SCN10A: variants seen among roughly 807,000 people sequenced by gnomAD.
The protein encoded by SCN10A is sodium channel protein type 10 subunit alpha.
SCN10A carries 162 observed loss-of-function variants against 170.7 expected under a neutral mutation model. The observed-to-expected ratio is 0.95, with a 90% CI of 0.84 to 1.08. SCN10A has a LOEUF of 1.08. SCN10A is among the 50% of genes least tolerant of loss of function. The pLI, the probability that SCN10A is intolerant of heterozygous loss-of-function variation, is 0.00. For synonymous variants in SCN10A, 985 were observed against 904.6 expected (o/e 1.09, Z -1.59); for missense variants, 2,527 against 2,436.9 (o/e 1.04, Z -0.78).
rs142537392 is a variant in SCN10A at position 38,698,458 on chromosome 3, G to C, written c.4762C>G (p.Arg1588Gly). Residue 1588 changes from arginine (R) to glycine (G), a missense_variant, in exon 28 of 28, where the codon CGA becomes GGA. Physicochemically the swap from Arg to Gly is moderately radical, Grantham distance 125. Transcript: ENST00000449082. ...ARIGRILRLI[R>G]AAKGIRTLLF... ...AGTGTGCGGATCCCCTTGGCCGCTCGGATCAGTCTGAGGATGCGGCCAATT... is the reference window on the plus strand; with the variant it reads ...AGTGTGCGGATCCCCTTGGCCGCTCCGATCAGTCTGAGGATGCGGCCAATT... The C allele has an allele frequency of 2.5e-6, 4 of 1,614,180 alleles. 1 individual carries two copies. In the South Asian group the frequency reaches 4.4e-5, roughly 18 times the overall value.
At chr3:38,797,481 C>G (rs140050575) in intron 1 of SCN10A, among the ~76,000 whole-genome samples, 1 of 152,142 alleles carries the variant, frequency 6.6e-6, no homozygotes, top group Non-Finnish European at 1.5e-5. Flanking sequence ...CAAAGTCAAC[C>G]TACATTACAT....
chr3:38,749,929 G>A, intron 13 of SCN10A, 144 bp downstream of exon 13: 1 of 491,286 alleles, frequency 2.0e-6, no homozygotes, highest in Non-Finnish European at 3.6e-6. Flanking sequence ...AGATGGTGGG[G>A]CCTAAGACAT....
In SCN10A at chr3:38,698,433, A is replaced by G. The variant is rs1303012255; in HGVS notation, c.4787T>C (p.Leu1596Pro). ...LIRAAKGIRT[L>P]LFALMMSLPA... ...CAGGGACATCATGAGGGCAAAGAGC[A>G]GTGTGCGGATCCCCTTGGCCGCTCG... Residue 1596 changes from leucine to proline, a missense_variant, in exon 28 of 28, where the codon CTG becomes CCG. Leu to Pro is a moderately conservative substitution (Grantham distance 98, BLOSUM62 -3). Transcript: ENST00000449082. The G allele has an allele frequency of 6.2e-7, 1 of 1,614,214 alleles. No homozygotes were observed.
At chr3:38,782,202 G>A (rs1334736428) in intron 4 of SCN10A, among the ~76,000 whole-genome samples, 1 of 152,064 alleles carries the variant, frequency 6.6e-6, no homozygotes, top group Non-Finnish European at 1.5e-5. Flanking sequence ...TATAGAAGCA[G>A]CAGTAAGTGA....
At chr3:38,737,499 T>G (rs2063577783) in intron 15 of SCN10A, among the ~76,000 whole-genome samples, 2 of 152,200 alleles carry the variant, frequency 1.3e-5, no homozygotes, top group African/African-American at 4.8e-5. Flanking sequence ...CCAGGCCTAC[T>G]CTACCCTTCT....
intron 15 of SCN10A, among the ~76,000 whole-genome samples, chr3:38,737,976 G>C (rs147477938): frequency 7.8e-4 from 117 of 149,262 alleles, no homozygotes; most frequent in African/African-American, 2.8e-3. Flanking sequence ...TTCTTACTCT[G>C]TCTCCCAGGC....
intron 4 of SCN10A, among the ~76,000 whole-genome samples, chr3:38,772,691 A>AAAC (rs527981727): frequency 6.8e-6 from 1 of 147,360 alleles, no homozygotes; most frequent in Non-Finnish European, 1.5e-5. Flanking sequence ...TTCGTCTCCA[A>AAAC]AACAACAACA....
Position 38,755,878 on chromosome 3 carries a change from C to T in SCN10A, c.1371G>A (p.Glu457=), listed in dbSNP as rs1276989301. The T allele has an allele frequency of 1.2e-6, 2 of 1,614,200 alleles. No individual in the cohort carries two copies. The highest frequency in any genetic ancestry group is 2.2e-5 in the South Asian group (2 of 91,084). The change falls in exon 11 of 28, where the codon GAG becomes GAA. Residue 457 remains glutamate, a synonymous_variant. Transcript: ENST00000449082. ...GSPLTSKNAS[E]RRHRIKPRVS... is the part of the protein sequence containing the mutation. ...CTCTTGGCTTTATTCTATGCCTTCT[C>T]TCACTGGCATTTTTGGAGGTTAAAG...
At chr3:38,772,392 G>C (rs565766555) in intron 4 of SCN10A, among the ~76,000 whole-genome samples, 1 of 151,858 alleles carries the variant, frequency 6.6e-6, no homozygotes, top group Non-Finnish European at 1.5e-5. Context: ...AAGAGTTAGA[G>C]AAATAAAACT....
chr3:38,718,791 C>A lies in SCN10A; in HGVS notation c.3543G>T (p.Thr1181=). 1.9e-6 allele frequency: 3 copies of A among 1,614,184 alleles called. No individual in the cohort carries two copies. The highest frequency in any genetic ancestry group is 2.5e-6 in the Non-Finnish European group (3 of 1,180,022). ...CAGTGTACTCCAGCAAAGCTTTCACCGTGGGCTTCTGGTCCAGGTAATAGT... is the reference window on the plus strand; with the variant it reads ...CAGTGTACTCCAGCAAAGCTTTCACAGTGGGCTTCTGGTCCAGGTAATAGT... ...FEDYYLDQKP[T]VKALLEYTDR... is the part of the protein sequence containing the mutation. The change falls in exon 21 of 28, where the codon ACG becomes ACT. Residue 1181 remains threonine, a synonymous_variant. Transcript: ENST00000449082.
chr3:38,698,687 C>A, intron 27 of SCN10A, 125 bp from the exon 28 acceptor site: 1 of 864,930 alleles, frequency 1.2e-6, no homozygotes, highest in Non-Finnish European at 1.8e-6. Flanking sequence ...TTTGAGGACT[C>A]TGGGCCCTCA....
intron 20 of SCN10A, 118 bp downstream of exon 20, chr3:38,722,140 A>G (rs1046029788): frequency 2.5e-5 from 24 of 976,772 alleles, no homozygotes; most frequent in Admixed American, 1.0e-4. Context: ...TCTAGTGACA[A>G]GGTTGGGGAC....
chr3:38,720,594 C>T (rs982511516), intron 20 of SCN10A, among the ~76,000 whole-genome samples: 3 of 151,988 alleles, frequency 2.0e-5, no homozygotes, highest in Non-Finnish European at 2.9e-5. Context: ...TGGTGCCAGC[C>T]TGTTCAGTCC....
intron 1 of SCN10A, among the ~76,000 whole-genome samples, chr3:38,814,484 C>T (rs191934614): frequency 4.1e-4 from 63 of 152,194 alleles, no homozygotes; most frequent in African/African-American, 1.5e-3. Context: ...CTGCACATGC[C>T]CAGAGTCAGT....
Position 38,755,962 on chromosome 3 carries a change from C to T in SCN10A, c.1291-4G>A, listed in dbSNP as rs376077984. 234 of 1,614,084 alleles carry T rather than the reference C, an allele frequency of 1.4e-4. No homozygotes were observed. The South Asian group carries it at 1.5e-3, about 10-fold the overall frequency. On this transcript the variant is annotated splice_polypyrimidine_tract_variant and splice_region_variant and intron_variant, in intron 10 of 27. Coordinates refer to ENST00000449082, the MANE Select transcript of SCN10A (RefSeq NM_006514.4). ...CAATCCCTAGTGCTGCTAGCACCTGCGAAGAGAGAACAGCAGGTGTAGCCA... is the reference window on the plus strand; with the variant it reads ...CAATCCCTAGTGCTGCTAGCACCTGTGAAGAGAGAACAGCAGGTGTAGCCA...
At chr3:38,763,657 A>G (rs961656787) in intron 5 of SCN10A, 61 bp from the exon 6 acceptor site, 2 of 1,197,570 alleles carry the variant, frequency 1.7e-6, no homozygotes, top group Admixed American at 3.4e-5. Context: ...TGCATGCAGC[A>G]TAAATAAGGA....
At chr3:38,798,919 A>T (rs1476047525) in intron 1 of SCN10A, among the ~76,000 whole-genome samples, 1 of 150,828 alleles carries the variant, frequency 6.6e-6, no homozygotes, top group African/African-American at 2.4e-5. Flanking sequence ...CCTCCCAAGT[A>T]GTGGAACTAC....
At chr3:38,755,455 T>C (rs549908911) in intron 11 of SCN10A, among the ~76,000 whole-genome samples, 1 of 152,154 alleles carries the variant, frequency 6.6e-6, no homozygotes, top group South Asian at 2.1e-4. Flanking sequence ...ACCGGGGTTC[T>C]TCCTCCAGTG....
At chr3:38,733,472 C>T (rs538547128) in intron 15 of SCN10A, among the ~76,000 whole-genome samples, 41 of 152,158 alleles carry the variant, frequency 2.7e-4, no homozygotes, top group Middle Eastern at 3.4e-3. Flanking sequence ...CTTATCATTA[C>T]AATAAATTGG....
Sources: allele counts gnomAD v4.1 joint callset (sites outside exome capture counted in the v4.1 genomes callset), GRCh38; gene constraint gnomAD v4.1.1; transcripts MANE v1.5; gene names NCBI Gene and HGNC (gene_info 2026-07-23, HGNC 2026-07-21).